The following SLC39A8 variants were observed in gnomAD, a reference collection of about 807,000 sequenced individuals.
SLC39A8 encodes metal cation symporter ZIP8.
SLC39A8 carries 15 observed loss-of-function variants against 40.4 expected under a neutral mutation model. That is an observed-to-expected ratio of 0.37 (90% CI 0.25 to 0.57). SLC39A8 has a LOEUF of 0.57. Among genes scored for constraint, SLC39A8 ranks in the 20% least tolerant of loss-of-function variants. The pLI is 0.75. For missense variants in SLC39A8, 472 were observed against 558.8 expected (o/e 0.84, Z 1.57); for synonymous variants, 223 against 221.6 (o/e 1.01, Z -0.06).
At chr4:102,274,668 G>T (rs749960342) in intron 6 of SLC39A8, among the ~76,000 whole-genome samples, 1 of 152,082 alleles carries the variant, frequency 6.6e-6, no homozygotes, top group Non-Finnish European at 1.5e-5. Context: ...ACCAAGGTTG[G>T]AATGCAGGAA....
chr4:102,269,379 T>G (rs1380325898), intron 6 of SLC39A8, among the ~76,000 whole-genome samples: 1 of 152,230 alleles, frequency 6.6e-6, no homozygotes, highest in Non-Finnish European at 1.5e-5. Context: ...TAGGCACAGA[T>G]AAAAGCATTT....
chr4:102,330,307 T>C (rs114473485), intron 2 of SLC39A8, among the ~76,000 whole-genome samples: 3,830 of 151,720 alleles, frequency 0.025, 54 homozygotes, highest in Non-Finnish European at 0.038. Context: ...GAGAGAAGAA[T>C]CAAAAGGACA....
downstream of SLC39A8, chr4:102,259,563 A>G (rs997023185): frequency 2.9e-6 from 4 of 1,364,682 alleles, no homozygotes; most frequent in Non-Finnish European, 3.1e-6. Context: ...AGATATAAAT[A>G]GGAAATCAGT....
chr4:102,330,081 A>G (rs974694487), intron 2 of SLC39A8, among the ~76,000 whole-genome samples: 3 of 152,234 alleles, frequency 2.0e-5, no homozygotes, highest in Non-Finnish European at 4.4e-5. Context: ...AAGATCTAAA[A>G]TCAACACCAT....
At chr4:102,325,605 T>A (rs1209342855) in intron 2 of SLC39A8, among the ~76,000 whole-genome samples, 2 of 152,194 alleles carry the variant, frequency 1.3e-5, no homozygotes, top group African/African-American at 4.8e-5. Context: ...CTGCTATAAA[T>A]AAGGATAAAT....
rs1734630159 is a variant in SLC39A8 at position 102,315,806 on chromosome 4, A to G, written c.244T>C (p.Ser82Pro). 1.9e-6 allele frequency: 3 copies of G among 1,612,840 alleles called. No homozygotes were observed. The highest frequency in any genetic ancestry group is 2.5e-6 in the Non-Finnish European group (3 of 1,179,320). Residue 82 changes from serine (S) to proline (P), a missense_variant, in exon 3 of 9, where the codon TCC (serine) becomes CCC (proline). Physicochemically the swap from Ser to Pro is moderately conservative, Grantham distance 74 (BLOSUM62 -1). Coordinates refer to ENST00000356736, the MANE Select transcript of SLC39A8 (RefSeq NM_001135146.2). ...GTAGCATTTGAAAAGCCATGAAGGGAAAAGATCTCTTCAGCAGTTAAACAC... is the reference window on the plus strand; with the variant it reads ...GTAGCATTTGAAAAGCCATGAAGGGGAAAGATCTCTTCAGCAGTTAAACAC... ...NQCLTAEEIF[S>P]LHGFSNATQI...
intron 2 of SLC39A8, among the ~76,000 whole-genome samples, chr4:102,325,512 A>G (rs977264645): frequency 1.3e-5 from 2 of 152,208 alleles, no homozygotes; most frequent in South Asian, 4.1e-4. Context: ...TCCTGAATAT[A>G]CAATTTAAAG....
intron 6 of SLC39A8, among the ~76,000 whole-genome samples, chr4:102,289,898 G>A (rs1018442605): frequency 6.6e-6 from 1 of 152,168 alleles, no homozygotes; most frequent in African/African-American, 2.4e-5. Context: ...GACAACAAAG[G>A]ATTTAGAATA....
chr4:102,275,416 C>T (rs1414859115), intron 6 of SLC39A8, among the ~76,000 whole-genome samples: 1 of 152,070 alleles, frequency 6.6e-6, no homozygotes, highest in Non-Finnish European at 1.5e-5. Flanking sequence ...GGGATCAATG[C>T]AGCAAGAAGA....
At chr4:102,287,073 T>C (rs1343300423) in intron 6 of SLC39A8, among the ~76,000 whole-genome samples, 1 of 152,098 alleles carries the variant, frequency 6.6e-6, no homozygotes, top group African/African-American at 2.4e-5. Context: ...ACCAAGTTCA[T>C]AGTGCTATTG....
chr4:102,326,764 G>A (rs774497535), intron 2 of SLC39A8, among the ~76,000 whole-genome samples: 33 of 152,138 alleles, frequency 2.2e-4, no homozygotes, highest in African/African-American at 3.4e-4. Flanking sequence ...GAATCTAGCA[G>A]ATAAAAATGA....
intron 2 of SLC39A8, among the ~76,000 whole-genome samples, chr4:102,322,084 T>C (rs1420189664): frequency 6.6e-6 from 1 of 152,172 alleles, no homozygotes; most frequent in East Asian, 1.9e-4. Context: ...ACAGACCTCC[T>C]TACTGCCATG....
intron 2 of SLC39A8, among the ~76,000 whole-genome samples, chr4:102,341,262 G>A (rs558224210): frequency 6.6e-6 from 1 of 152,298 alleles, no homozygotes; most frequent in South Asian, 2.1e-4. Context: ...TCTGAATGGA[G>A]GCATTTCCAG....
intron 5 of SLC39A8, 116 bp from the exon 6 acceptor site, chr4:102,304,597 T>C: frequency 3.9e-6 from 3 of 761,542 alleles, no homozygotes; most frequent in Non-Finnish European, 6.1e-6. Context: ...GTCTATTCTA[T>C]GTGTAAAGAA....
chr4:102,324,379 C>T (rs1201416207), intron 2 of SLC39A8: 3 of 154,042 alleles, frequency 1.9e-5, no homozygotes, highest in African/African-American at 7.3e-5. Context: ...TGGTGACAAA[C>T]CAAGACTCCG....
intron 6 of SLC39A8, among the ~76,000 whole-genome samples, chr4:102,282,184 A>G (rs923624549): frequency 1.3e-5 from 2 of 152,256 alleles, no homozygotes; most frequent in African/African-American, 4.8e-5. Context: ...CAGGAGATAC[A>G]GGATTTTATT....
intron 6 of SLC39A8, among the ~76,000 whole-genome samples, chr4:102,287,474 C>T (rs1036766825): frequency 1.3e-5 from 2 of 152,106 alleles, no homozygotes; most frequent in Admixed American, 6.6e-5. Context: ...TGGATACAAG[C>T]ATGATTTTCT....
At chr4:102,281,361 G>A (rs758897521) in intron 6 of SLC39A8, among the ~76,000 whole-genome samples, 4 of 152,132 alleles carry the variant, frequency 2.6e-5, no homozygotes, top group South Asian at 2.1e-4. Flanking sequence ...GGGATGCCGT[G>A]GAGAAACCAA....
At chr4:102,274,258 T>C (rs936276861) in intron 6 of SLC39A8, among the ~76,000 whole-genome samples, 2 of 152,008 alleles carry the variant, frequency 1.3e-5, no homozygotes, top group African/African-American at 4.8e-5. Flanking sequence ...AGAACATAAA[T>C]GATCTGATAA....
Sources: allele counts gnomAD v4.1 joint callset (sites outside exome capture counted in the v4.1 genomes callset), GRCh38; gene constraint gnomAD v4.1.1; transcripts MANE v1.5; gene names NCBI Gene and HGNC (gene_info 2026-07-23, HGNC 2026-07-21).